LRRC20: variants seen among roughly 807,000 people sequenced by gnomAD.
LRRC20 encodes the protein leucine rich repeat containing 20, also known as leucine-rich repeat-containing protein 20.
Under a neutral mutation model 14.4 loss-of-function variants are expected in LRRC20, and 11 were observed. The ratio of observed to expected loss-of-function variants is 0.77; its 90% CI spans 0.48 to 1.27. The LOEUF is 1.27. Among genes scored for constraint, LRRC20 ranks in the 50% most tolerant of loss-of-function variants. The pLI is 0.00. For missense variants in LRRC20, 219 were observed against 251.2 expected (o/e 0.87, Z 0.87); for synonymous variants, 121 against 107.3 (o/e 1.13, Z -0.79).
chr10:70,378,656 G>A (rs781551095), intron 1 of LRRC20, among the ~76,000 whole-genome samples: 2 of 151,832 alleles, frequency 1.3e-5, no homozygotes, highest in Non-Finnish European at 1.5e-5. Flanking sequence ...GCGTGGTGGC[G>A]GGCGCCTCGG....
chr10:70,301,307 A>C lies in LRRC20; in HGVS notation c.*47T>G. The C allele has an allele frequency of 1.3e-6, 2 of 1,580,022 alleles. No individual in the cohort carries two copies. The highest frequency in any genetic ancestry group is 1.4e-5 in the African/African-American group (1 of 74,042). ...GGGCCTCCCTCCCTTCCAGGGTTCC[A>C]GGCCTGTGGCCTCTGCCCCTTGCTG... On this transcript the variant is annotated 3_prime_UTR_variant, in exon 5 of 5. Coordinates refer to ENST00000446961, the MANE Select transcript of LRRC20 (RefSeq NM_001278212.2).
intron 4 of LRRC20, among the ~76,000 whole-genome samples, chr10:70,319,095 C>G (rs1314029126): frequency 1.3e-5 from 2 of 151,534 alleles, no homozygotes; most frequent in Non-Finnish European, 2.9e-5. Flanking sequence ...GCGTGAGCCA[C>G]CATGCCCAAC....
rs565732012 is a variant in LRRC20 at position 70,304,343 on chromosome 10, C to T, written c.401-2835G>A. Among the ~76,000 whole-genome samples the T allele has an allele frequency of 4.0e-5, 6 of 151,814 alleles. No homozygotes were observed. In the East Asian group the frequency reaches 1.2e-3, roughly 29 times the overall value. On this transcript the variant is annotated intron_variant, in intron 4 of 4. Coordinates refer to ENST00000446961, the MANE Select transcript of LRRC20 (RefSeq NM_001278212.2). ...TCCTCTCCTAGGCACAAAATATTGC[C>T]CACGGTTGGGGGCTTTTTGTTTTTG...
intron 2 of LRRC20, among the ~76,000 whole-genome samples, chr10:70,354,547 G>GC (rs1280465776): frequency 2.0e-5 from 3 of 152,186 alleles, no homozygotes; most frequent in African/African-American, 7.2e-5. Flanking sequence ...TGGGGGTAAG[G>GC]CCCAGGCATC....
intron 2 of LRRC20, among the ~76,000 whole-genome samples, chr10:70,354,168 C>T (rs1245511151): frequency 6.6e-6 from 1 of 152,122 alleles, no homozygotes; most frequent in Non-Finnish European, 1.5e-5. Flanking sequence ...ATGCCTAAGT[C>T]TCTCTCCCAG....
intron 2 of LRRC20, among the ~76,000 whole-genome samples, chr10:70,371,468 C>T (rs949211562): frequency 1.3e-5 from 2 of 151,990 alleles, no homozygotes; most frequent in African/African-American, 2.4e-5. Flanking sequence ...CTCTGTGTCA[C>T]GATTATTCTT....
intron 4 of LRRC20, among the ~76,000 whole-genome samples, chr10:70,306,196 C>T (rs1362541569): frequency 6.6e-6 from 1 of 151,914 alleles, no homozygotes; most frequent in African/African-American, 2.4e-5. Flanking sequence ...CGTCATGGCC[C>T]TCAGTGTATA....
chr10:70,371,468 C>A (rs949211562), intron 2 of LRRC20, among the ~76,000 whole-genome samples: 1 of 151,990 alleles, frequency 6.6e-6, no homozygotes, highest in Non-Finnish European at 1.5e-5. Flanking sequence ...CTCTGTGTCA[C>A]GATTATTCTT....
At chr10:70,367,101 G>C (rs890828361) in intron 2 of LRRC20, among the ~76,000 whole-genome samples, 1 of 152,054 alleles carries the variant, frequency 6.6e-6, no homozygotes, top group Non-Finnish European at 1.5e-5. Flanking sequence ...GAGGCAGGAG[G>C]AATGCTTGAG....
At chr10:70,342,683 C>T (rs1165291485) in intron 2 of LRRC20, among the ~76,000 whole-genome samples, 2 of 152,142 alleles carry the variant, frequency 1.3e-5, no homozygotes, top group Non-Finnish European at 2.9e-5. Context: ...AGCAGGAATG[C>T]TACAAATATT....
chr10:70,325,783 G>A (rs540685835), intron 3 of LRRC20, among the ~76,000 whole-genome samples: 16 of 152,230 alleles, frequency 1.1e-4, no homozygotes, highest in South Asian at 2.1e-4. Context: ...CGGGGCCCCC[G>A]GGCCCTCTGA....
chr10:70,310,349 A>G lies in LRRC20; in HGVS notation c.401-8841T>C, dbSNP rs191016194. Among the ~76,000 whole-genome samples the G allele has an allele frequency of 1.7e-3, 256 of 152,334 alleles. 1 individual carries two copies. The highest frequency in any genetic ancestry group is 5.7e-3 in the African/African-American group (239 of 41,584). ...GAGGTTAAATAAATGTCCTGAGGCT[A>G]GACAGCCCAGTGGTCTCTGGACTTT... On this transcript the variant is annotated intron_variant, in intron 4 of 4. Coordinates refer to ENST00000446961, the MANE Select transcript of LRRC20 (RefSeq NM_001278212.2).
chr10:70,360,597 C>T lies in LRRC20; in HGVS notation c.82+15855G>A, dbSNP rs142881167. 7.6e-3 allele frequency among the ~76,000 whole-genome samples: 1,160 copies of T among 152,202 alleles called. 13 individuals are homozygous for T. The highest frequency in any genetic ancestry group is 0.056 in the South Asian group (269 of 4,820). ...GACTACAGGCTCACGCCACCCTGCC[C>T]GGTTAATTTTTCTTTTAGTTTTTTT... is the stretch of plus-strand genomic sequence containing the variant. On this transcript the variant is annotated intron_variant, in intron 2 of 4. Coordinates refer to ENST00000446961, the MANE Select transcript of LRRC20 (RefSeq NM_001278212.2).
In LRRC20 at chr10:70,358,034, T is replaced by G. The variant is rs114202458; in HGVS notation, c.83-17332A>C. 8.9e-3 allele frequency among the ~76,000 whole-genome samples: 1,356 copies of G among 152,318 alleles called. 29 individuals carry two copies. Among genetic ancestry groups the G allele is most frequent in the African/African-American group, 0.023 (960 of 41,564 alleles). ...CAAAAGCCCAGAGAAGTTAAGAACT[T>G]GCTCAAAGCCACACACTAAGTAGGC... On this transcript the variant is annotated intron_variant, in intron 2 of 4. Transcript: ENST00000446961.
intron 2 of LRRC20, among the ~76,000 whole-genome samples, chr10:70,376,065 G>A (rs1297043343): frequency 6.6e-6 from 1 of 152,144 alleles, no homozygotes; most frequent in Non-Finnish European, 1.5e-5. Flanking sequence ...ACGCCCAGCT[G>A]GCTTCATTCA....
intron 3 of LRRC20, among the ~76,000 whole-genome samples, chr10:70,330,088 T>C (rs1278463953): frequency 1.3e-5 from 2 of 152,268 alleles, no homozygotes; most frequent in Non-Finnish European, 2.9e-5. Context: ...TGTCTTTGTC[T>C]GCATTTGATA....
At chr10:70,347,688 C>T (rs1346607952) in intron 2 of LRRC20, among the ~76,000 whole-genome samples, 3 of 151,780 alleles carry the variant, frequency 2.0e-5, no homozygotes, top group South Asian at 2.1e-4. Flanking sequence ...GGTGTGGTGG[C>T]GCGTCCTATA....
At chr10:70,358,855 G>C (rs2137091904) in intron 2 of LRRC20, among the ~76,000 whole-genome samples, 1 of 152,272 alleles carries the variant, frequency 6.6e-6, no homozygotes, top group South Asian at 2.1e-4. Flanking sequence ...CTTATGTAGG[G>C]GCACAGGCAG....
intron 2 of LRRC20, among the ~76,000 whole-genome samples, chr10:70,348,950 T>C (rs1159877138): frequency 1.3e-5 from 2 of 152,170 alleles, no homozygotes; most frequent in Non-Finnish European, 2.9e-5. Flanking sequence ...CCTGAGTTTA[T>C]AGGAACAGAC....
Sources: allele counts gnomAD v4.1 joint callset (sites outside exome capture counted in the v4.1 genomes callset), GRCh38; gene constraint gnomAD v4.1.1; transcripts MANE v1.5; gene names NCBI Gene and HGNC (gene_info 2026-07-23, HGNC 2026-07-21).